The following SMTN variants were observed in gnomAD, a reference collection of about 807,000 sequenced individuals.
SMTN encodes the protein smoothelin.
Under a neutral mutation model 102.0 loss-of-function variants are expected in SMTN, and 58 were observed. That is an observed-to-expected ratio of 0.57 (90% confidence interval 0.46 to 0.71). The LOEUF is 0.71. SMTN is among the 30% of genes least tolerant of loss of function. The pLI, the probability that SMTN is intolerant of heterozygous loss-of-function variation, is 0.00. For missense variants in SMTN, 1,185 were observed against 1,241.7 expected, an observed-to-expected ratio of 0.95 and a Z score of 0.69; for synonymous variants, 478 against 497.9, an observed-to-expected ratio of 0.96 and a Z score of 0.53.
intron 8 of SMTN, among the ~76,000 whole-genome samples, 172 bp downstream of exon 8, chr22:31,090,352 C>T (rs373197103): frequency 1.0e-3 from 155 of 150,436 alleles, no homozygotes; most frequent in African/African-American, 2.6e-3. Context: ...GCTAGGCCAG[C>T]CTCCCCCTCC....
At chr22:31,089,630 G>A in intron 6 of SMTN, 69 bp from the exon 7 acceptor site, 3 of 1,448,688 alleles carry the variant, frequency 2.1e-6, no homozygotes, top group Non-Finnish European at 2.8e-6. Context: ...TTGCCAGCCT[G>A]GCCCTCAGTG....
At position 31,091,259 on chromosome 22, in the gene SMTN, G is replaced by A. The variant is rs1281998711; in HGVS notation, c.1236G>A (p.Gln412=). The change falls in exon 10 of 21, where the codon CAG becomes CAA. Residue 412 remains glutamine (Q), a synonymous_variant. Transcript: ENST00000333137. ...TGGCCCAGCTTCGAAGCTGCCCCCA[G>A]GAGGAGGGCCCCAGGGGGCGGGGCT... ...QPLAQLRSCP[Q]EEGPRGRGLA... 6.2e-7 allele frequency: 1 copy of A among 1,602,858 alleles called. No homozygotes were observed. The highest frequency in any genetic ancestry group is 1.7e-5 in the Admixed American group (1 of 57,980).
rs1164816461 is a variant in SMTN at position 31,091,735 on chromosome 22, G to A, written c.1520G>A (p.Ser507Asn). 6 of 1,612,616 alleles carry A rather than the reference G, an allele frequency of 3.7e-6. No individual in the cohort carries two copies. Among genetic ancestry groups the A allele is most frequent in the Non-Finnish European group, 3.4e-6 (4 of 1,179,186 alleles). Residue 507 changes from serine to asparagine, a missense_variant, in exon 11 of 21, where the codon AGC (serine) becomes AAC (asparagine). By Grantham distance (46) the Ser-to-Asn change is conservative. Around this residue, in one of 2 missense-constraint regions of SMTN, gnomAD observed 1,096 missense variants for 1,112.7 expected, o/e 0.98. Transcript: ENST00000333137. ...TLLSTSSGGK[S>N]TITRVNSPGT... ...CTCAGCACCAGTAGTGGGGGCAAGA[G>A]CACCATCACCCGTGTCAACAGCCCT...
intron 1 of SMTN, among the ~76,000 whole-genome samples, chr22:31,073,658 A>C (rs1397895998): frequency 1.3e-5 from 2 of 152,238 alleles, no homozygotes; most frequent in Non-Finnish European, 2.9e-5. Context: ...AACCACTGAG[A>C]TATTTGGTTT....
chr22:31,090,670 G>A lies in SMTN; in HGVS notation c.866-138G>A, dbSNP rs2043057971. The A allele has an allele frequency of 5.5e-6, 4 of 733,364 alleles. No homozygotes were observed. The African/African-American group carries it at 6.9e-5, about 13-fold the overall frequency. The allele number at this position is 733,364 out of a possible 1,614,324, so 45.4% of individuals were successfully genotyped here. ...TGGGAGATCCAGGAGGGGATGGAGA[G>A]GTGGGGTGGGGGTTGAGTACAGGAA... On this transcript the variant is annotated intron_variant, in intron 8 of 20. Transcript: ENST00000333137.
chr22:31,098,439 T>C (rs553285755), intron 16 of SMTN, among the ~76,000 whole-genome samples: 1 of 146,318 alleles, frequency 6.8e-6, no homozygotes, highest in East Asian at 2.0e-4. Flanking sequence ...GAACTACTCG[T>C]GGGTGGGGGA....
rs777871210 is a variant in SMTN, at chr22:31,099,186, C to A, written c.2451+7C>A. The A allele has an allele frequency of 6.2e-7, 1 of 1,604,904 alleles. No individual in the cohort carries two copies. Among genetic ancestry groups the A allele is most frequent in the Admixed American group, 1.7e-5 (1 of 59,832 alleles). On this transcript the variant is annotated splice_region_variant and intron_variant, in intron 18 of 20. Coordinates refer to ENST00000333137, the MANE Select transcript of SMTN (RefSeq NM_134269.3). ...CAAGACTCGCGGCTACGAGGTGAGC[C>A]CCGGGAGGCCAGGGGGCCTGGAGGC...
rs1465887793 is a variant in SMTN at position 31,091,540 on chromosome 22, A to G, written c.1459+58A>G. 2.0e-6 allele frequency: 3 copies of G among 1,510,806 alleles called. No individual in the cohort carries two copies. The African/African-American group carries it at 4.2e-5, about 21-fold the overall frequency. The allele number at this position is 1,510,806 out of a possible 1,614,324, so 93.6% of individuals were successfully genotyped here. A position where few individuals can be genotyped will look rare whatever the true frequency, so the allele number is the denominator to read the frequency against. ...TGAGTGCCTGCAACCGCACTTCTGCATGCAGGACAGGTGCTGCGGCCAGGA... is the reference window on the plus strand; with the variant it reads ...TGAGTGCCTGCAACCGCACTTCTGCGTGCAGGACAGGTGCTGCGGCCAGGA... On this transcript the variant is annotated intron_variant, in intron 10 of 20. Coordinates refer to ENST00000333137, the MANE Select transcript of SMTN (RefSeq NM_134269.3).
Position 31,091,819 on chromosome 22 carries a change from C to G in SMTN, c.1604C>G (p.Pro535Arg), listed in dbSNP as rs1434186321. 2.5e-6 allele frequency: 4 copies of G among 1,601,036 alleles called. No individual in the cohort carries two copies. Among genetic ancestry groups the G allele is most frequent in the African/African-American group, 1.3e-5 (1 of 74,464 alleles). Reference sequence around the variant, plus strand: ...GTCACCAGCTTCAGCCATGCCCCCCCCAGTAGCCGAGGAGGCTGCAGCATC... The same window carrying G: ...GTCACCAGCTTCAGCCATGCCCCCCGCAGTAGCCGAGGAGGCTGCAGCATC... ...THVTSFSHAP[P>R]SSRGGCSIKM... The change falls in exon 11 of 21, where the codon CCC (proline) becomes CGC (arginine). Residue 535 changes from proline (P) to arginine (R), a missense_variant. Pro to Arg is a moderately radical substitution (Grantham distance 103, BLOSUM62 -2). This residue lies in a region of SMTN where 1,096 missense variants were observed against 1,112.7 expected (regional missense o/e 0.98). Coordinates refer to ENST00000333137, the MANE Select transcript of SMTN (RefSeq NM_134269.3).
Position 31,095,699 on chromosome 22 carries a change from G to A in SMTN, c.1861+90G>A, listed in dbSNP as rs554694914. On this transcript the variant is annotated intron_variant, in intron 13 of 20. Transcript: ENST00000333137. The surrounding 1 kb of genome is among the most constrained non-coding windows in gnomAD (Gnocchi z 4.1). ...CTGGGGTCCATTTGTGGACACCCCA[G>A]CTTAATAACTGCCCTACCCAGCTTC... 1.9e-4 allele frequency: 219 copies of A among 1,147,732 alleles called. 1 individual carries two copies. The highest frequency in any genetic ancestry group is 2.4e-4 in the Non-Finnish European group (191 of 797,124). 71.1% of individuals were successfully genotyped at this position (1,147,732 alleles called of 1,614,324 possible). A position where few individuals can be genotyped will look rare whatever the true frequency, so the allele number is the denominator to read the frequency against.
chr22:31,104,328 C>G lies in SMTN; in HGVS notation c.*33C>G. ...CCCCTCCCTGCAGGATGCTGGTGGA[C>G]TGTGTGCCCCTGGTGGAGGTGGACG... On this transcript the variant is annotated 3_prime_UTR_variant, in exon 21 of 21. Coordinates refer to ENST00000333137, the MANE Select transcript of SMTN (RefSeq NM_134269.3). 6.2e-7 allele frequency: 1 copy of G among 1,614,188 alleles called. No homozygotes were observed. Among genetic ancestry groups the G allele is most frequent in the South Asian group, 1.1e-5 (1 of 91,092 alleles).
In SMTN at chr22:31,088,497, C is replaced by T. The variant is rs202192256; in HGVS notation, c.201-16C>T. ...TGGCCATGGCAGTGGTGGTTACAGT[C>T]ATGATGTCTCTGCAGCTCTCAGCAG... On this transcript the variant is annotated splice_polypyrimidine_tract_variant and intron_variant, in intron 3 of 20. Coordinates refer to ENST00000333137, the MANE Select transcript of SMTN (RefSeq NM_134269.3). The T allele has an allele frequency of 9.3e-6, 15 of 1,610,450 alleles. No individual in the cohort carries two copies. In the East Asian group the frequency reaches 3.1e-4, roughly 34 times the overall value.
intron 20 of SMTN, chr22:31,104,060 C>T (rs1039089780): frequency 7.8e-6 from 4 of 514,064 alleles, no homozygotes; most frequent in Admixed American, 6.3e-5. Context: ...AGACCCAGGA[C>T]CTGCCTGACT....
upstream of SMTN, among the ~76,000 whole-genome samples, chr22:31,077,309 G>A (rs7285584): frequency 0.054 from 8,187 of 151,984 alleles, 247 homozygotes; most frequent in African/African-American, 0.08. Context: ...GAGCCTGGGA[G>A]GTCAAGGCTG....
In SMTN at chr22:31,088,015, C is replaced by G. The variant is rs2042827233; in HGVS notation, c.102C>G (p.Ile34Met). The G allele has an allele frequency of 1.2e-6, 2 of 1,611,604 alleles. No homozygotes were observed. The highest frequency in any genetic ancestry group is 1.7e-6 in the Non-Finnish European group (2 of 1,178,498). ...LAERRRIRSA[I>M]RELQRQELER... ...AGCGGCGGCGCATCCGCTCAGCCATCCGGGAACTGCAGCGGCAGGAGCTGG... is the reference window on the plus strand; with the variant it reads ...AGCGGCGGCGCATCCGCTCAGCCATGCGGGAACTGCAGCGGCAGGAGCTGG... The change falls in exon 3 of 21, where the codon ATC becomes ATG. Residue 34 changes from isoleucine to methionine, a missense_variant. By Grantham distance (10) the Ile-to-Met change is conservative. Coordinates refer to ENST00000333137, the MANE Select transcript of SMTN (RefSeq NM_134269.3).
chr22:31,085,309 G>A (rs1361709312), intron 2 of SMTN: 1 of 1,487,710 alleles, frequency 6.7e-7, no homozygotes, highest in East Asian at 2.6e-5. Context: ...AGGCGAGGGC[G>A]GCGCCCTGCG....
intron 1 of SMTN, chr22:31,068,201 G>C (rs1427854222): frequency 6.6e-6 from 1 of 152,088 alleles, no homozygotes; most frequent in East Asian, 1.9e-4. Context: ...CTACTCGGGA[G>C]GCTGAGGAAG....
At position 31,090,131 on chromosome 22, in the gene SMTN, C is replaced by T. The variant is rs752936582; in HGVS notation, c.816C>T (p.Thr272=). Residue 272 remains threonine, a synonymous_variant, in exon 8 of 21, where the codon ACC becomes ACT. Coordinates refer to ENST00000333137, the MANE Select transcript of SMTN (RefSeq NM_134269.3). Reference sequence around the variant, plus strand: ...AGCTTCTGTCTGGCCCCAAAGAGACCCCTGCTGCCCAGAGCCCCACCAGAG... The same window carrying T: ...AGCTTCTGTCTGGCCCCAAAGAGACTCCTGCTGCCCAGAGCCCCACCAGAG... The part of the protein sequence containing the change: ...VNKLLSGPKE[T]PAAQSPTRGP... 72 of 1,612,588 alleles carry T rather than the reference C, an allele frequency of 4.5e-5. No homozygotes were observed. The highest frequency in any genetic ancestry group is 6.0e-5 in the Non-Finnish European group (71 of 1,179,304).
intron 1 of SMTN, chr22:31,082,696 G>A (rs1251921448): frequency 1.5e-6 from 1 of 645,536 alleles, no homozygotes; most frequent in Non-Finnish European, 2.8e-6. Context: ...ATACCTGGGG[G>A]AATGACAGTG....
Sources: allele counts gnomAD v4.1 joint callset (sites outside exome capture counted in the v4.1 genomes callset), GRCh38; gene constraint gnomAD v4.1.1; regional missense constraint gnomAD v4.1.1; non-coding constraint Gnocchi (gnomAD v3.1); transcripts MANE v1.5; gene names NCBI Gene and HGNC (gene_info 2026-07-23, HGNC 2026-07-21).